LARP4B: variants seen among roughly 807,000 people sequenced by gnomAD.
LARP4B encodes the protein La ribonucleoprotein 4B.
LARP4B carries 12 observed loss-of-function variants against 89.8 expected under a neutral mutation model. That is an observed-to-expected ratio of 0.13 (90% CI 0.09 to 0.22). LARP4B has a LOEUF of 0.22. Among genes scored for constraint, LARP4B ranks in the 10% least tolerant of loss-of-function variants. The pLI is 1.00. For missense variants in LARP4B, 757 were observed against 947.7 expected (o/e 0.80, Z 2.64); for synonymous variants, 367 against 363.3 (o/e 1.01, Z -0.12).
chr10:981,598 TCTCA>T, the LARP4B span, among the ~76,000 whole-genome samples: 2 of 152,152 alleles, frequency 1.3e-5, no homozygotes, highest in African/African-American at 4.8e-5. Flanking sequence ...TGAGATGGAG[TCTCA>T]CTCTGTCGCC....
chr10:891,092 T>G (rs1836005059), intron 1 of LARP4B, among the ~76,000 whole-genome samples: 2 of 152,148 alleles, frequency 1.3e-5, no homozygotes, highest in South Asian at 4.1e-4. Flanking sequence ...CAATTGGAAT[T>G]TATATACCTC....
At chr10:834,549 G>A (rs1249192601) in intron 8 of LARP4B, among the ~76,000 whole-genome samples, 2 of 152,084 alleles carry the variant, frequency 1.3e-5, no homozygotes, top group African/African-American at 4.8e-5. Flanking sequence ...AGAGTCCTTG[G>A]GAACTTATGT....
chr10:918,833 T>C (rs1021507288), intron 1 of LARP4B, among the ~76,000 whole-genome samples: 17 of 151,962 alleles, frequency 1.1e-4, no homozygotes, highest in African/African-American at 3.4e-4. Context: ...TCCCAGCACT[T>C]TGGGAGGCCG....
the LARP4B span, among the ~76,000 whole-genome samples, chr10:960,066 G>A: frequency 7.2e-5 from 11 of 152,262 alleles, no homozygotes; most frequent in East Asian, 5.8e-4. Context: ...AAGAATGAGC[G>A]ATCAAGCCAT....
At chr10:905,349 T>C (rs1206817271) in intron 1 of LARP4B, among the ~76,000 whole-genome samples, 2 of 152,248 alleles carry the variant, frequency 1.3e-5, no homozygotes, top group Non-Finnish European at 1.5e-5. Flanking sequence ...TCCTCCTTTC[T>C]TGAATTTAAT....
intron 8 of LARP4B, among the ~76,000 whole-genome samples, chr10:835,739 C>T (rs994624690): frequency 3.3e-5 from 5 of 152,152 alleles, no homozygotes; most frequent in African/African-American, 9.7e-5. Flanking sequence ...TCCAGACCAG[C>T]CTGGCCAAGA....
intron 8 of LARP4B, 90 bp from the exon 9 acceptor site, chr10:831,067 AG>A (rs1832879228): frequency 3.4e-6 from 2 of 581,424 alleles, no homozygotes; most frequent in African/African-American, 1.9e-5. Flanking sequence ...CATTCTCTTA[AG>A]GAACTATCCT....
rs138729532 is a variant in LARP4B, at chr10:817,851, C to T, written c.1569G>A (p.Pro523=). 2.6e-4 allele frequency: 412 copies of T among 1,614,120 alleles called. 2 individuals are homozygous for T. The African/African-American group carries it at 4.8e-3, about 19-fold the overall frequency. Residue 523 remains proline (P), a synonymous_variant, in exon 15 of 18, where the codon CCG becomes CCA. Transcript: ENST00000316157. The part of the protein sequence containing the change: ...QTQSPTPPKP[P]SPSFELGLSS... Reference sequence around the variant, plus strand: ...ACAGCCCCAGCTCGAAGCTTGGCGACGGAGGCTTTGGTGGCGTTGGAGACT... The same window carrying T: ...ACAGCCCCAGCTCGAAGCTTGGCGATGGAGGCTTTGGTGGCGTTGGAGACT...
chr10:896,062 G>A (rs1185459869), intron 1 of LARP4B, among the ~76,000 whole-genome samples: 2 of 152,178 alleles, frequency 1.3e-5, no homozygotes, highest in African/African-American at 2.4e-5. Flanking sequence ...TGCAGGAGAA[G>A]CATCTAAGTC....
At chr10:894,879 A>G (rs1046360811) in intron 1 of LARP4B, among the ~76,000 whole-genome samples, 3 of 152,140 alleles carry the variant, frequency 2.0e-5, no homozygotes, top group Admixed American at 6.6e-5. Context: ...CTCTACTTCT[A>G]TGTGTTTAAA....
At chr10:817,649 G>T in intron 15 of LARP4B, 76 bp downstream of exon 15, 1 of 1,376,116 alleles carries the variant, frequency 7.3e-7, no homozygotes, top group Non-Finnish European at 1.0e-6. Flanking sequence ...TGTATAAAGA[G>T]CTCAGCAAAG....
intron 14 of LARP4B, chr10:820,595 C>T (rs1832302231): frequency 7.0e-6 from 4 of 567,928 alleles, no homozygotes; most frequent in Non-Finnish European, 1.2e-5. Context: ...GAGTCCTGTG[C>T]AGCACATCGC....
chr10:842,444 A>G (rs140792063), intron 7 of LARP4B, among the ~76,000 whole-genome samples: 3,697 of 151,982 alleles, frequency 0.024, 88 homozygotes, highest in Admixed American at 0.067. Flanking sequence ...GATCCGCCCA[A>G]CTCGACCTCC....
At chr10:837,337 T>C (rs1370133922) in intron 7 of LARP4B, among the ~76,000 whole-genome samples, 3 of 152,190 alleles carry the variant, frequency 2.0e-5, no homozygotes, top group Admixed American at 6.5e-5. Flanking sequence ...AAGACCTACA[T>C]AAAGACATAT....
At chr10:866,469 C>CTCA (rs1254784555) in intron 3 of LARP4B, among the ~76,000 whole-genome samples, 6 of 152,210 alleles carry the variant, frequency 3.9e-5, no homozygotes, top group African/African-American at 1.4e-4. Context: ...CAGACAGGAG[C>CTCA]TCATGGAGCT....
At chr10:843,824 C>T (rs1833646530) in intron 6 of LARP4B, among the ~76,000 whole-genome samples, 1 of 152,216 alleles carries the variant, frequency 6.6e-6, no homozygotes, top group Non-Finnish European at 1.5e-5. Context: ...GGAACACTCA[C>T]CAGAGGGCCT....
At chr10:882,537 G>A (rs1208792516) in intron 3 of LARP4B, among the ~76,000 whole-genome samples, 1 of 152,082 alleles carries the variant, frequency 6.6e-6, no homozygotes, top group African/African-American at 2.4e-5. Flanking sequence ...ACAGGCGTGT[G>A]CCACCACACC....
At chr10:849,341 CA>C (rs888880634) in intron 5 of LARP4B, among the ~76,000 whole-genome samples, 3 of 152,034 alleles carry the variant, frequency 2.0e-5, no homozygotes, top group African/African-American at 7.2e-5. Flanking sequence ...AAAATAACCA[CA>C]AAAAAACCCT....
chr10:839,122 C>A (rs142943298), intron 7 of LARP4B, among the ~76,000 whole-genome samples: 60 of 152,210 alleles, frequency 3.9e-4, no homozygotes, highest in African/African-American at 1.3e-3. Flanking sequence ...CAGGGATGCA[C>A]GGGTGGAACT....
Sources: allele counts gnomAD v4.1 joint callset (sites outside exome capture counted in the v4.1 genomes callset), GRCh38; gene constraint gnomAD v4.1.1; transcripts MANE v1.5; gene names NCBI Gene and HGNC (gene_info 2026-07-23, HGNC 2026-07-21).